The following FIG4 variants were observed in gnomAD, a reference collection of about 807,000 sequenced individuals.
FIG4 encodes the protein polyphosphoinositide phosphatase.
FIG4 carries 112 observed loss-of-function variants against 118.6 expected under a neutral mutation model. The ratio of observed to expected loss-of-function variants is 0.94; its 90% CI spans 0.81 to 1.11. The LOEUF (loss-of-function observed/expected upper bound fraction) is 1.11, where lower values mean the gene tolerates loss of function less well. Among genes scored for constraint, FIG4 ranks in the 50% least tolerant of loss-of-function variants. FIG4 has a pLI of 0.00. For missense variants in FIG4, 969 were observed against 1,111.7 expected (o/e 0.87, Z 1.83); for synonymous variants, 369 against 381.2 (o/e 0.97, Z 0.37).
At chr6:109,797,444 G>A (rs887228150) in intron 22 of FIG4, among the ~76,000 whole-genome samples, 3 of 152,306 alleles carry the variant, frequency 2.0e-5, no homozygotes, top group East Asian at 3.9e-4. Context: ...AGTGCTTAGA[G>A]TAGTGTCTAG....
At chr6:109,764,564 G>A (rs1777224752) in intron 13 of FIG4, among the ~76,000 whole-genome samples, 1 of 152,090 alleles carries the variant, frequency 6.6e-6, no homozygotes, top group African/African-American at 2.4e-5. Flanking sequence ...ATAAGTTAGA[G>A]TGACTTTGGA....
chr6:109,758,159 A>T (rs1583692357), intron 10 of FIG4, among the ~76,000 whole-genome samples: 1 of 152,322 alleles, frequency 6.6e-6, no homozygotes, highest in East Asian at 1.9e-4. Flanking sequence ...AGACAATCCT[A>T]AGCAAAAAGA....
intron 22 of FIG4, among the ~76,000 whole-genome samples, chr6:109,803,542 G>C (rs1778481089): frequency 6.6e-6 from 1 of 152,130 alleles, no homozygotes; most frequent in African/African-American, 2.4e-5. Flanking sequence ...GCCTCAAGTG[G>C]TTTTAGATTA....
chr6:109,726,979 T>C, intron 3 of FIG4, 130 bp from the exon 4 acceptor site: 1 of 749,460 alleles, frequency 1.3e-6, no homozygotes, highest in Non-Finnish European at 2.3e-6. Flanking sequence ...CACCTGAAAA[T>C]TTGTATGGCT....
In FIG4 at chr6:109,700,450, A is replaced by G. The variant is rs553864601; in HGVS notation, c.66+8949A>G. ...GAATATGAAAAAATGTTCAACTTGC[A>G]AATAATTAAAGCAATAAAATGAAAA... On this transcript the variant is annotated intron_variant, in intron 1 of 22. Coordinates refer to ENST00000230124, the MANE Select transcript of FIG4 (RefSeq NM_014845.6). 1.0e-3 allele frequency among the ~76,000 whole-genome samples: 152 copies of G among 152,358 alleles called. 1 individual carries two copies. Among genetic ancestry groups the G allele is most frequent in the African/African-American group, 3.5e-3 (144 of 41,580 alleles).
chr6:109,711,447 G>A (rs1399810583), intron 1 of FIG4, among the ~76,000 whole-genome samples: 1 of 152,084 alleles, frequency 6.6e-6, no homozygotes, highest in African/African-American at 2.4e-5. Context: ...GAGTGTTCCT[G>A]TGTTGGGTGC....
chr6:109,748,263 A>T (rs1045277831), intron 10 of FIG4, among the ~76,000 whole-genome samples: 1 of 152,116 alleles, frequency 6.6e-6, no homozygotes, highest in Non-Finnish European at 1.5e-5. Context: ...GCACAGGTAA[A>T]ATAGTAATTG....
chr6:109,786,860 G>C (rs58730628), intron 18 of FIG4, among the ~76,000 whole-genome samples: 12,317 of 152,060 alleles, frequency 0.081, 1,032 homozygotes, highest in African/African-American at 0.21. Context: ...ACTTACCTGA[G>C]CATTATTTTC....
At chr6:109,754,931 T>C (rs2128389685) in intron 10 of FIG4, among the ~76,000 whole-genome samples, 1 of 152,350 alleles carries the variant, frequency 6.6e-6, no homozygotes, top group Non-Finnish European at 1.5e-5. Flanking sequence ...TTTGTCTCTA[T>C]TTCCTTCAGT....
At chr6:109,764,603 G>A (rs1425122654) in intron 13 of FIG4, among the ~76,000 whole-genome samples, 1 of 152,094 alleles carries the variant, frequency 6.6e-6, no homozygotes, top group Admixed American at 6.6e-5. Flanking sequence ...TACTATATAT[G>A]TTAACTATGC....
intron 1 of FIG4, among the ~76,000 whole-genome samples, chr6:109,711,263 G>C (rs185718554): frequency 1.3e-5 from 2 of 152,196 alleles, no homozygotes; most frequent in East Asian, 3.9e-4. Flanking sequence ...TTAGCTGGAC[G>C]TGGTGGCAGG....
At chr6:109,747,639 A>G (rs956648200) in intron 10 of FIG4, among the ~76,000 whole-genome samples, 2 of 152,044 alleles carry the variant, frequency 1.3e-5, no homozygotes, top group African/African-American at 4.8e-5. Context: ...TATTTTTTGA[A>G]AGAGATCATA....
At chr6:109,712,037 A>C (rs1474579091) in intron 1 of FIG4, among the ~76,000 whole-genome samples, 1 of 152,170 alleles carries the variant, frequency 6.6e-6, no homozygotes, top group Non-Finnish European at 1.5e-5. Context: ...CTGCATATGA[A>C]ATTCTGAGTT....
intron 22 of FIG4, among the ~76,000 whole-genome samples, chr6:109,817,030 G>A: frequency 6.6e-6 from 1 of 152,226 alleles, no homozygotes; most frequent in East Asian, 1.9e-4. Flanking sequence ...CCGTATAAAT[G>A]TCTGATGGAT....
intron 19 of FIG4, among the ~76,000 whole-genome samples, chr6:109,790,076 T>C (rs1419835292): frequency 6.6e-6 from 1 of 152,192 alleles, no homozygotes; most frequent in Non-Finnish European, 1.5e-5. Context: ...ATAACATTAT[T>C]TGGGGGAAGA....
At chr6:109,718,797 T>C (rs1775514520) in intron 3 of FIG4, among the ~76,000 whole-genome samples, 1 of 152,156 alleles carries the variant, frequency 6.6e-6, no homozygotes, top group South Asian at 2.1e-4. Context: ...CCACTTTCAG[T>C]CCTGCTTATA....
At chr6:109,732,946 A>C (rs1014936751) in intron 5 of FIG4, among the ~76,000 whole-genome samples, 18 of 152,126 alleles carry the variant, frequency 1.2e-4, no homozygotes, top group African/African-American at 4.1e-4. Flanking sequence ...ATTTTAAAGA[A>C]ATATTCTCAT....
At chr6:109,794,267 G>A (rs1178985180) in intron 21 of FIG4, among the ~76,000 whole-genome samples, 6 of 152,222 alleles carry the variant, frequency 3.9e-5, no homozygotes, top group African/African-American at 1.4e-4. Flanking sequence ...AGCGCAGCAA[G>A]TAGAGCCATT....
chr6:109,768,963 G>A (rs182034474), intron 15 of FIG4, among the ~76,000 whole-genome samples: 4 of 152,016 alleles, frequency 2.6e-5, no homozygotes, highest in African/African-American at 9.7e-5. Context: ...AATCCTCATC[G>A]GCTACTTCTG....
Sources: allele counts gnomAD v4.1 joint callset (sites outside exome capture counted in the v4.1 genomes callset), GRCh38; gene constraint gnomAD v4.1.1; transcripts MANE v1.5; gene names NCBI Gene and HGNC (gene_info 2026-07-23, HGNC 2026-07-21).